The following TRHDE variants were observed in gnomAD, a reference collection of about 807,000 sequenced individuals.
TRHDE encodes thyrotropin-releasing hormone-degrading ectoenzyme.
In TRHDE, 72 loss-of-function variants were observed where a neutral mutation model predicts 125.7. That is an observed-to-expected ratio of 0.57 (90% CI 0.47 to 0.70). TRHDE has a LOEUF of 0.70. Among genes scored for constraint, TRHDE ranks in the 30% least tolerant of loss-of-function variants. TRHDE has a pLI of 0.00. For missense variants in TRHDE, 1,110 were observed against 1,327.1 expected (o/e 0.84, Z 2.54); for synonymous variants, 509 against 509.1 (o/e 1.00, Z 0.00).
intron 6 of TRHDE, among the ~76,000 whole-genome samples, chr12:72,531,505 T>C (rs1334154248): frequency 1.3e-5 from 2 of 152,220 alleles, no homozygotes; most frequent in African/African-American, 4.8e-5. Context: ...TCATACTTTT[T>C]GTTTTGTTTT....
At chr12:72,214,780 T>C (rs1877850763) in intron 2 of TRHDE, among the ~76,000 whole-genome samples, 1 of 152,212 alleles carries the variant, frequency 6.6e-6, no homozygotes, top group Non-Finnish European at 1.5e-5. Context: ...AATCCATATT[T>C]AATTATACTT....
At chr12:72,591,236 A>G (rs1871664878) in intron 12 of TRHDE, among the ~76,000 whole-genome samples, 1 of 152,220 alleles carries the variant, frequency 6.6e-6, no homozygotes, top group Non-Finnish European at 1.5e-5. Context: ...GGAAGCTACA[A>G]TTCAAGATGA....
At chr12:72,508,409 T>G (rs1878444797) in intron 6 of TRHDE, among the ~76,000 whole-genome samples, 2 of 152,214 alleles carry the variant, frequency 1.3e-5, no homozygotes, top group African/African-American at 4.8e-5. Context: ...GTGAGCTGGA[T>G]GTAAGACATG....
At chr12:72,446,988 A>G (rs1875319464) in intron 3 of TRHDE, among the ~76,000 whole-genome samples, 1 of 152,080 alleles carries the variant, frequency 6.6e-6, no homozygotes, top group Non-Finnish European at 1.5e-5. Flanking sequence ...ATATCCAGGA[A>G]TTGAACTCAG....
At position 72,091,693 on chromosome 12, in the gene TRHDE, C is replaced by T. The variant is rs555133746; in HGVS notation, n.174+4254C>T. Reference sequence around the variant, plus strand: ...ATATAAGTAAACAGCAAACTGTTCTCGTAAACGCAGAATGTTGGCAAACTG... The same window carrying T: ...ATATAAGTAAACAGCAAACTGTTCTTGTAAACGCAGAATGTTGGCAAACTG... On this transcript the variant is annotated intron_variant and non_coding_transcript_variant, in intron 1 of 4. Coordinates refer to the TRHDE transcript ENST00000548156. Among the ~76,000 whole-genome samples, 25 of 152,258 alleles carry T rather than the reference C, an allele frequency of 1.6e-4. No homozygotes were observed. In the South Asian group the frequency reaches 4.1e-3, roughly 25 times the overall value.
At chr12:72,647,468 C>CA (rs1049560549) in intron 15 of TRHDE, among the ~76,000 whole-genome samples, 39 of 149,834 alleles carry the variant, frequency 2.6e-4, no homozygotes, top group Non-Finnish European at 4.2e-4. Context: ...AAGATAAGAA[C>CA]AAAAAAAATG....
intron 3 of TRHDE, among the ~76,000 whole-genome samples, chr12:72,447,892 C>T (rs1875377347): frequency 6.6e-6 from 1 of 152,008 alleles, no homozygotes; most frequent in African/African-American, 2.4e-5. Flanking sequence ...GGCACATTAC[C>T]TGAATGTTCA....
intron 2 of TRHDE, among the ~76,000 whole-genome samples, chr12:72,344,141 T>C (rs1235971860): frequency 6.6e-6 from 1 of 152,092 alleles, no homozygotes; most frequent in Non-Finnish European, 1.5e-5. Flanking sequence ...TGACCCAAAA[T>C]ATATTATGGC....
chr12:72,184,347 G>C (rs1213540869), intron 2 of TRHDE, among the ~76,000 whole-genome samples: 1 of 152,062 alleles, frequency 6.6e-6, no homozygotes, highest in Admixed American at 6.5e-5. Flanking sequence ...GCCTGAGCAA[G>C]ATGATTACAG....
At chr12:72,292,158 A>C (rs1054786193) in intron 2 of TRHDE, among the ~76,000 whole-genome samples, 1 of 152,300 alleles carries the variant, frequency 6.6e-6, no homozygotes, top group African/African-American at 2.4e-5. Flanking sequence ...GCATGCCCTT[A>C]AGATCTTTAT....
intron 5 of TRHDE, among the ~76,000 whole-genome samples, chr12:72,498,269 C>G (rs1180854275): frequency 6.6e-6 from 1 of 152,086 alleles, no homozygotes; most frequent in East Asian, 1.9e-4. Context: ...TCTTTAAAGC[C>G]AGGTTTAAAT....
chr12:72,174,749 T>G (rs1204285626), intron 2 of TRHDE, among the ~76,000 whole-genome samples: 1 of 152,220 alleles, frequency 6.6e-6, no homozygotes, highest in Non-Finnish European at 1.5e-5. Context: ...TTCTTAGTGC[T>G]TCATATCAGA....
At chr12:72,544,946 C>G (rs940014040) in intron 7 of TRHDE, among the ~76,000 whole-genome samples, 1 of 151,246 alleles carries the variant, frequency 6.6e-6, no homozygotes, top group Non-Finnish European at 1.5e-5. Context: ...TATTTTTCAG[C>G]AGGAAGAGAC....
intron 12 of TRHDE, among the ~76,000 whole-genome samples, chr12:72,577,801 A>G (rs1297616697): frequency 6.6e-6 from 1 of 152,306 alleles, no homozygotes; most frequent in South Asian, 2.1e-4. Context: ...CATGCTTTCA[A>G]TTACAATTTT....
chr12:72,648,151 C>A (rs542229463), intron 15 of TRHDE, among the ~76,000 whole-genome samples: 1 of 152,034 alleles, frequency 6.6e-6, no homozygotes, highest in Non-Finnish European at 1.5e-5. Flanking sequence ...ATAAAAATCA[C>A]ATGATCATCT....
At chr12:72,508,404 C>A (rs1878444480) in intron 6 of TRHDE, among the ~76,000 whole-genome samples, 1 of 152,148 alleles carries the variant, frequency 6.6e-6, no homozygotes, top group Non-Finnish European at 1.5e-5. Flanking sequence ...TTAGTGTGAG[C>A]TGGATGTAAG....
intron 2 of TRHDE, among the ~76,000 whole-genome samples, chr12:72,170,538 C>T (rs1205235633): frequency 6.6e-6 from 1 of 152,030 alleles, no homozygotes; most frequent in Middle Eastern, 3.2e-3. Flanking sequence ...AGCAGTGGTT[C>T]TCAAACTTTA....
chr12:72,500,047 T>C (rs932243992), intron 6 of TRHDE, among the ~76,000 whole-genome samples: 1 of 152,190 alleles, frequency 6.6e-6, no homozygotes, highest in Non-Finnish European at 1.5e-5. Flanking sequence ...GGTAATGACA[T>C]GATGCATGCA....
At chr12:72,593,335 T>C (rs1233979133) in intron 12 of TRHDE, among the ~76,000 whole-genome samples, 1 of 152,188 alleles carries the variant, frequency 6.6e-6, no homozygotes, top group Non-Finnish European at 1.5e-5. Flanking sequence ...TTCAATCTAT[T>C]ATTAAATGTA....
Sources: allele counts gnomAD v4.1 joint callset (sites outside exome capture counted in the v4.1 genomes callset), GRCh38; gene constraint gnomAD v4.1.1; transcripts MANE v1.5; gene names NCBI Gene and HGNC (gene_info 2026-07-23, HGNC 2026-07-21).